SSX3: variants seen among roughly 807,000 people sequenced by gnomAD.
SSX3 encodes protein SSX3.
In SSX3, 6 loss-of-function variants were observed where a neutral mutation model predicts 14.8. The ratio of observed to expected loss-of-function variants is 0.41; its 90% CI spans 0.22 to 0.80. The LOEUF (loss-of-function observed/expected upper bound fraction) is 0.80, where lower values mean the gene tolerates loss of function less well. Ranked by LOEUF, SSX3 falls within the 30% of genes least tolerant of loss-of-function variation. SSX3 has a pLI of 0.34. For missense variants in SSX3, 163 were observed against 152.2 expected, an observed-to-expected ratio of 1.07 and a Z score of -0.37; for synonymous variants, 55 against 52.9, an observed-to-expected ratio of 1.04 and a Z score of -0.18.
In SSX3 at chrX:48,349,976, C is replaced by T; in HGVS notation, c.466+11G>A. The T allele has an allele frequency of 1.7e-6, 2 of 1,211,075 alleles. No individual in the cohort carries two copies. The highest frequency in any genetic ancestry group is 1.8e-5 in the South Asian group (1 of 56,788). ...AGCCAGTGGGATTGTTCCTGAATTG[C>T]TTCCTCTTACCAGATATCATGTTAA... On this transcript the variant is annotated intron_variant, in intron 6 of 7. Transcript: ENST00000298396.
chrX:48,356,641 T>C lies in SSX3; in HGVS notation c.-28A>G. ...AAATCAGTGTATTCTTACTCTGATT[T>C]TGGAAGAATCCAAAGAGAAAATCAG... On this transcript the variant is annotated 5_prime_UTR_variant, in exon 1 of 8. Coordinates refer to ENST00000298396, the MANE Select transcript of SSX3 (RefSeq NM_021014.4). 1 of 110,777 alleles carries C rather than the reference T, an allele frequency of 9.0e-6. No homozygotes were observed. Among genetic ancestry groups the C allele is most frequent in the East Asian group, 2.8e-4 (1 of 3,561 alleles). The allele number at this position is 110,777 out of a possible 1,213,427, so 9.1% of individuals were successfully genotyped here.
At position 48,354,512 on chromosome X, in the gene SSX3, G is replaced by A. The variant is rs782008668; in HGVS notation, c.184+120C>T. 62 of 854,457 alleles carry A rather than the reference G, an allele frequency of 7.3e-5. No homozygotes were observed. In the African/African-American group the frequency reaches 1.1e-3, roughly 16 times the overall value. 70.4% of individuals were successfully genotyped at this position (854,457 alleles called of 1,213,427 possible). A position where few individuals can be genotyped will look rare whatever the true frequency, so the allele number is the denominator to read the frequency against. On this transcript the variant is annotated intron_variant, in intron 3 of 7. Coordinates refer to ENST00000298396, the MANE Select transcript of SSX3 (RefSeq NM_021014.4). ...GCAGAACACCCAGAAGCTGCCTTGCGATTTTTCCCTACACAAAAGGAAAAT... is the reference window on the plus strand; with the variant it reads ...GCAGAACACCCAGAAGCTGCCTTGCAATTTTTCCCTACACAAAAGGAAAAT...
intron 1 of SSX3, among the ~76,000 whole-genome samples, chrX:48,356,124 A>G (rs1309613169): frequency 3.6e-5 from 4 of 112,257 alleles, no homozygotes; most frequent in African/African-American, 9.7e-5. Context: ...GACCAGGCTC[A>G]CAAACGTAGC....
Position 48,348,174 on chromosome X carries a change from A to G in SSX3, c.467-570T>C. Reference sequence around the variant, plus strand: ...ATGAGATGCTTTGATACAGGCATGCAATGCATGATAATCACATCATGGAAA... The same window carrying G: ...ATGAGATGCTTTGATACAGGCATGCGATGCATGATAATCACATCATGGAAA... On this transcript the variant is annotated intron_variant, in intron 6 of 7. Transcript: ENST00000298396. 3 of 403,880 alleles carry G rather than the reference A, an allele frequency of 7.4e-6. No individual in the cohort carries two copies. The South Asian group carries it at 1.1e-4, about 15-fold the overall frequency. 33.3% of individuals were successfully genotyped at this position (403,880 alleles called of 1,213,427 possible). A position where few individuals can be genotyped will look rare whatever the true frequency, so the allele number is the denominator to read the frequency against.
Position 48,351,960 on chromosome X carries a change from C to T in SSX3, c.330+140G>A, listed in dbSNP as rs1715761487. On this transcript the variant is annotated intron_variant, in intron 5 of 7. Transcript: ENST00000298396. ...ACAAATGTTGGTACTATCAAGCCGTCGGTGCTACATCAGGTGTTGTGATAG... is the reference window on the plus strand; with the variant it reads ...ACAAATGTTGGTACTATCAAGCCGTTGGTGCTACATCAGGTGTTGTGATAG... 6.5e-6 allele frequency: 5 copies of T among 772,015 alleles called. No homozygotes were observed. In the East Asian group the frequency reaches 9.8e-5, roughly 15 times the overall value. 63.6% of individuals were successfully genotyped at this position (772,015 alleles called of 1,213,427 possible). A position where few individuals can be genotyped will look rare whatever the true frequency, so the allele number is the denominator to read the frequency against.
rs781977500 is a variant in SSX3, at chrX:48,349,338, C to T, written c.466+649G>A. 10 of 442,353 alleles carry T rather than the reference C, an allele frequency of 2.3e-5. No homozygotes were observed. In the South Asian group the frequency reaches 3.8e-4, roughly 17 times the overall value. The allele number at this position is 442,353 out of a possible 1,213,427, so 36.5% of individuals were successfully genotyped here. A position where few individuals can be genotyped will look rare whatever the true frequency, so the allele number is the denominator to read the frequency against. On this transcript the variant is annotated intron_variant, in intron 6 of 7. Transcript: ENST00000298396. ...TTGACCAGCCAGCAGCCATCAACAC[C>T]GAGGCAAGACCCTCCACCAGCAAAA...
chrX:48,355,981 C>T (rs1421457232), intron 1 of SSX3, among the ~76,000 whole-genome samples: 3 of 110,523 alleles, frequency 2.7e-5, no homozygotes, highest in East Asian at 2.9e-4. Context: ...GGTCGAGACC[C>T]GGCTGGGAAA....
intron 1 of SSX3, among the ~76,000 whole-genome samples, chrX:48,356,279 C>A (rs781906481): frequency 9.0e-6 from 1 of 111,153 alleles, no homozygotes; most frequent in African/African-American, 3.3e-5. Flanking sequence ...GACAGGGTCT[C>A]GCTCTGTTGC....
At chrX:48,348,118 T>G in intron 6 of SSX3, 1 of 322,818 alleles carries the variant, frequency 3.1e-6, no homozygotes. Flanking sequence ...ATTTTGTGGG[T>G]ACACAGTAGG....
At chrX:48,352,838 C>G (rs2061268894) in intron 4 of SSX3, among the ~76,000 whole-genome samples, 1 of 112,119 alleles carries the variant, frequency 8.9e-6, no homozygotes, top group South Asian at 3.7e-4. Context: ...ACCCAAGAAC[C>G]TGTCTTTTTT....
intron 1 of SSX3, among the ~76,000 whole-genome samples, chrX:48,355,542 A>G (rs782491325): frequency 2.7e-4 from 30 of 110,479 alleles, no homozygotes; most frequent in Non-Finnish European, 5.1e-4. Flanking sequence ...GTTGTTAGTA[A>G]TTTCCCTGGA....
chrX:48,346,475 C>T lies in SSX3; in HGVS notation c.*565G>A. 5.0e-6 allele frequency: 1 copy of T among 199,744 alleles called. No homozygotes were observed. The highest frequency in any genetic ancestry group is 9.2e-6 in the Non-Finnish European group (1 of 108,664). The allele number at this position is 199,744 out of a possible 1,213,427, so 16.5% of individuals were successfully genotyped here. On this transcript the variant is annotated 3_prime_UTR_variant, in exon 8 of 8. Transcript: ENST00000298396. ...CTGTCAGTGACTGCTACAGGGGAAT[C>T]GGATGAGGGGAGTACATGCTGACCA...
At chrX:48,354,894 C>G in intron 2 of SSX3, 148 bp from the exon 3 acceptor site, 2 of 1,195,023 alleles carry the variant, frequency 1.7e-6, no homozygotes, top group Non-Finnish European at 2.3e-6. Flanking sequence ...ACATGAGGGA[C>G]CTTCCTAGCT....
In SSX3 at chrX:48,352,399, G is replaced by A. The variant is rs3014654; in HGVS notation, c.281-250C>T. On this transcript the variant is annotated intron_variant, in intron 4 of 7. Coordinates refer to ENST00000298396, the MANE Select transcript of SSX3 (RefSeq NM_021014.4). ...ACCCCATCACAGTCTCATCTTATTC[G>A]ATTACATATCTTTTACTTTTTCCCA... is the stretch of plus-strand genomic sequence containing the variant. Among the ~76,000 whole-genome samples the A allele has an allele frequency of 5.4e-5, 6 of 111,909 alleles. No individual in the cohort carries two copies. The East Asian group carries it at 1.4e-3, about 26-fold the overall frequency.
chrX:48,349,231 G>GAGCT lies in SSX3; in HGVS notation c.466+752_466+755dup, dbSNP rs782539911. On this transcript the variant is annotated intron_variant, in intron 6 of 7. Coordinates refer to ENST00000298396, the MANE Select transcript of SSX3 (RefSeq NM_021014.4). The stretch of plus-strand genomic sequence containing the variant: ...ACAGAGAAATCCTTCATGAAAGGGA[G>GAGCT]AGCTAATCGATGTGGCAAATTTCAT... Among the ~76,000 whole-genome samples the GAGCT allele has an allele frequency of 5.4e-5, 6 of 111,510 alleles. No homozygotes were observed. In the East Asian group the frequency reaches 1.4e-3, roughly 26 times the overall value.
At chrX:48,347,257 C>T (rs9887689) in intron 7 of SSX3, among the ~76,000 whole-genome samples, 13,324 of 111,934 alleles carry the variant, frequency 0.12, 708 homozygotes, top group East Asian at 0.39. Context: ...AGGTGTGGCC[C>T]GCATATCAGG....
intron 5 of SSX3, among the ~76,000 whole-genome samples, chrX:48,350,703 G>A (rs2061258436): frequency 9.0e-6 from 1 of 110,578 alleles, no homozygotes; most frequent in Non-Finnish European, 1.9e-5. Context: ...TCAGTGAGGT[G>A]GTACCCATAC....
intron 6 of SSX3, chrX:48,348,344 C>A: frequency 1.9e-6 from 1 of 514,354 alleles, no homozygotes; most frequent in East Asian, 3.7e-5. Flanking sequence ...GGAACTGCAC[C>A]CATAGAATAT....
rs2061250530 is a variant in SSX3, at chrX:48,349,091, T to C, written c.466+896A>G. 3.6e-5 allele frequency among the ~76,000 whole-genome samples: 4 copies of C among 112,422 alleles called. No individual in the cohort carries two copies. The Admixed American group carries it at 3.8e-4, about 11-fold the overall frequency. ...CAACAGATTTTCAATGTAGATAAAATAGCCTTCTATTGGAAGGAGATGCCA... is the reference window on the plus strand; with the variant it reads ...CAACAGATTTTCAATGTAGATAAAACAGCCTTCTATTGGAAGGAGATGCCA... On this transcript the variant is annotated intron_variant, in intron 6 of 7. Coordinates refer to ENST00000298396, the MANE Select transcript of SSX3 (RefSeq NM_021014.4).
Sources: gnomAD v4.1 joint callset for allele counts (sites outside exome capture counted in the v4.1 genomes callset) on GRCh38, gnomAD v4.1.1 for gene constraint, MANE v1.5 for transcripts, NCBI Gene and HGNC (gene_info 2026-07-23, HGNC 2026-07-21) for gene names.